PTK7: variants seen among roughly 807,000 people sequenced by gnomAD.
The protein encoded by PTK7 is inactive tyrosine-protein kinase 7.
A neutral mutation model predicts 116.6 loss-of-function variants in PTK7; 39 were observed. The observed-to-expected ratio is 0.33, with a 90% CI of 0.26 to 0.44. The LOEUF is 0.44. Ranked by LOEUF, PTK7 falls within the 20% of genes least tolerant of loss-of-function variation. The probability of loss-of-function intolerance (pLI) is 1.00; values close to 1 mark genes in which losing one functional copy is unlikely to be tolerated. For missense variants in PTK7, 1,169 were observed against 1,425.6 expected (o/e 0.82, Z 2.90); for synonymous variants, 546 against 563.6 (o/e 0.97, Z 0.44).
At chr6:43,083,115 G>A (rs1250216717) in intron 1 of PTK7, among the ~76,000 whole-genome samples, 1 of 152,234 alleles carries the variant, frequency 6.6e-6, no homozygotes, top group Non-Finnish European at 1.5e-5. Flanking sequence ...TGGGGCCAAG[G>A]ATTCAGTCTT....
At chr6:43,099,758 A>G (rs1767461568) in intron 1 of PTK7, among the ~76,000 whole-genome samples, 1 of 152,228 alleles carries the variant, frequency 6.6e-6, no homozygotes. Flanking sequence ...TGCCAGGGAA[A>G]TATAATGACT....
Position 43,129,370 on chromosome 6 carries a change from G to A in PTK7, c.367+106G>A, listed in dbSNP as rs1209514300. On this transcript the variant is annotated intron_variant, in intron 2 of 19. Transcript: ENST00000230419. This position sits in a 1 kb window ranked among gnomAD's most constrained non-coding sequence, Gnocchi z 4.5. The stretch of plus-strand genomic sequence containing the variant: ...GCTTCTCCCATTTCCAGTTAAACGG[G>A]CCAGGCAGAATGCATTTATCATCAG... 14 of 1,378,004 alleles carry A rather than the reference G, an allele frequency of 1.0e-5. No individual in the cohort carries two copies. Among genetic ancestry groups the A allele is most frequent in the Non-Finnish European group, 1.4e-5 (14 of 1,009,726 alleles). 85.4% of individuals were successfully genotyped at this position (1,378,004 alleles called of 1,614,324 possible). A position where few individuals can be genotyped will look rare whatever the true frequency, so the allele number is the denominator to read the frequency against.
intron 5 of PTK7, 158 bp from the exon 6 acceptor site, chr6:43,131,858 C>A: frequency 1.1e-6 from 1 of 945,146 alleles, no homozygotes. Context: ...TATGCAGGCA[C>A]ACACACCAGT....
rs78999981 is a variant in PTK7, at chr6:43,131,007, G to A, written c.812+346G>A. Among the ~76,000 whole-genome samples, 237 of 149,682 alleles carry A rather than the reference G, an allele frequency of 1.6e-3. 1 individual carries two copies. Among genetic ancestry groups the A allele is most frequent in the African/African-American group, 5.8e-3 (233 of 40,248 alleles). On this transcript the variant is annotated intron_variant, in intron 5 of 19. Transcript: ENST00000230419. ...GTCAGGTGGTCATAGTCTAGATAGC[G>A]TGATCCAGTGTGGCAAAGACATCAC...
Position 43,132,407 on chromosome 6 carries a change from T to C in PTK7, c.962-14T>C, listed in dbSNP as rs1769740609. The C allele has an allele frequency of 1.9e-6, 3 of 1,555,618 alleles. No homozygotes were observed. The highest frequency in any genetic ancestry group is 2.6e-6 in the Non-Finnish European group (3 of 1,145,616). Reference sequence around the variant, plus strand: ...ACAATAATTGGGCCATTCCTCCTACTTATGTCCTTGCAGAGATTGAAGACA... The same window carrying C: ...ACAATAATTGGGCCATTCCTCCTACCTATGTCCTTGCAGAGATTGAAGACA... On this transcript the variant is annotated splice_polypyrimidine_tract_variant and intron_variant, in intron 6 of 19. Transcript: ENST00000230419.
chr6:43,138,536 C>T (rs949969901), intron 7 of PTK7: 1 of 228,318 alleles, frequency 4.4e-6, no homozygotes, highest in Non-Finnish European at 8.6e-6. Context: ...TGGTGCATGC[C>T]TGTGGTCCCA....
chr6:43,140,718 T>A (rs1362868362), intron 10 of PTK7, among the ~76,000 whole-genome samples: 1 of 152,106 alleles, frequency 6.6e-6, no homozygotes, highest in East Asian at 1.9e-4. Flanking sequence ...GGAGACCCTG[T>A]CTGTACAAAA....
rs538741038 is a variant in PTK7 at position 43,129,470 on chromosome 6, C to T, written c.367+206C>T. The T allele has an allele frequency of 1.3e-6, 1 of 788,038 alleles. No individual in the cohort carries two copies. Among genetic ancestry groups the T allele is most frequent in the Non-Finnish European group, 2.0e-6 (1 of 508,126 alleles). 48.8% of individuals were successfully genotyped at this position (788,038 alleles called of 1,614,324 possible). Reference sequence around the variant, plus strand: ...AAAATTTTTTCCTTCAAGTCTGGGACCCATTTATCTGCTGCATGCTTGTGC... The same window carrying T: ...AAAATTTTTTCCTTCAAGTCTGGGATCCATTTATCTGCTGCATGCTTGTGC... On this transcript the variant is annotated intron_variant, in intron 2 of 19. Transcript: ENST00000230419. The surrounding 1 kb of genome is among the most constrained non-coding windows in gnomAD (Gnocchi z 4.5).
intron 1 of PTK7, among the ~76,000 whole-genome samples, chr6:43,086,717 G>A (rs1428024334): frequency 1.3e-5 from 2 of 152,108 alleles, no homozygotes; most frequent in Non-Finnish European, 2.9e-5. Context: ...CACGCCTGTA[G>A]TCTCAGCTAC....
intron 1 of PTK7, among the ~76,000 whole-genome samples, chr6:43,101,779 C>A (rs16896279): frequency 1.3e-5 from 2 of 152,160 alleles, no homozygotes; most frequent in African/African-American, 4.8e-5. Context: ...GTGTAAAAGT[C>A]TAATATAGAA....
At position 43,145,376 on chromosome 6, in the gene PTK7, C is replaced by T. The variant is rs1001218601; in HGVS notation, c.2584C>T (p.Leu862=). 2.5e-6 allele frequency: 4 copies of T among 1,611,554 alleles called. No individual in the cohort carries two copies. Among genetic ancestry groups the T allele is most frequent in the Non-Finnish European group, 3.4e-6 (4 of 1,179,062 alleles). The part of the protein sequence containing the change: ...KLNHANVVRL[L]GLCREAEPHY... The stretch of plus-strand genomic sequence containing the variant: ...GAACCACGCCAACGTGGTGCGGCTC[C>T]TGGGGCTGTGCCGGGAGGCTGAGCC... Residue 862 remains leucine (L), a synonymous_variant, in exon 16 of 20, where the codon CTG becomes TTG. Coordinates refer to ENST00000230419, the MANE Select transcript of PTK7 (RefSeq NM_002821.5). The surrounding 1 kb of genome is among the most constrained non-coding windows in gnomAD (Gnocchi z 4.8).
intron 1 of PTK7, among the ~76,000 whole-genome samples, chr6:43,128,498 CA>C (rs527242184): frequency 3.3e-5 from 5 of 152,328 alleles, no homozygotes; most frequent in East Asian, 1.9e-4. Flanking sequence ...AAAAGCTCTT[CA>C]GGGGGCTGGG....
chr6:43,106,587 C>T (rs149449788), intron 1 of PTK7, among the ~76,000 whole-genome samples: 195 of 151,836 alleles, frequency 1.3e-3, no homozygotes, highest in African/African-American at 4.4e-3. Flanking sequence ...GCATGAGCCA[C>T]CACACCCGCC....
At chr6:43,110,236 T>C (rs7746054) in intron 1 of PTK7, among the ~76,000 whole-genome samples, 148,803 of 151,936 alleles carry the variant, frequency 0.98, 72,883 homozygotes, top group East Asian at 1. Context: ...GTGATCTGCC[T>C]GCCTCAGCTT....
chr6:43,159,694 C>T (rs773302342), intron 18 of PTK7, 94 bp from the exon 19 acceptor site: 82 of 1,344,544 alleles, frequency 6.1e-5, no homozygotes, highest in Middle Eastern at 1.8e-4. Context: ...GCTGGGCCCC[C>T]GGCTTGGGGA....
At chr6:43,157,829 C>T (rs1037400398) in intron 17 of PTK7, among the ~76,000 whole-genome samples, 5 of 152,052 alleles carry the variant, frequency 3.3e-5, no homozygotes, top group East Asian at 2.0e-4. Context: ...TGGGTTCAAG[C>T]GATTCTTCTG....
At chr6:43,137,919 G>T (rs1453165404) in intron 7 of PTK7, among the ~76,000 whole-genome samples, 3 of 152,116 alleles carry the variant, frequency 2.0e-5, no homozygotes, top group Non-Finnish European at 4.4e-5. Context: ...CGATTCTTGT[G>T]CCTCAGCCTC....
chr6:43,106,132 A>C (rs1767875827), intron 1 of PTK7, among the ~76,000 whole-genome samples: 1 of 149,746 alleles, frequency 6.7e-6, no homozygotes. Flanking sequence ...GTGGGTTTGC[A>C]TTTCACCTCC....
intron 1 of PTK7, among the ~76,000 whole-genome samples, chr6:43,118,752 T>C (rs1768765121): frequency 1.2e-5 from 1 of 84,700 alleles, no homozygotes; most frequent in Admixed American, 1.2e-4. Context: ...TGTGTGTATG[T>C]GTGTGTGTGT....
Sources: allele counts gnomAD v4.1 joint callset (sites outside exome capture counted in the v4.1 genomes callset), GRCh38; gene constraint gnomAD v4.1.1; non-coding constraint Gnocchi (gnomAD v3.1); transcripts MANE v1.5; gene names NCBI Gene and HGNC (gene_info 2026-07-23, HGNC 2026-07-21).